The following PCDH7 variants were observed in gnomAD, a reference collection of about 807,000 sequenced individuals.
PCDH7 encodes the protein protocadherin-7.
In PCDH7, 17 loss-of-function variants were observed where a neutral mutation model predicts 58.9. The ratio of observed to expected loss-of-function variants is 0.29; its 90% CI spans 0.20 to 0.43. The LOEUF is 0.43. Ranked by LOEUF, PCDH7 falls within the 20% of genes least tolerant of loss-of-function variation. The pLI, the probability that PCDH7 is intolerant of heterozygous loss-of-function variation, is 1.00. For missense variants in PCDH7, 1,274 were observed against 1,441.0 expected (o/e 0.88, Z 1.88); for synonymous variants, 664 against 616.4 (o/e 1.08, Z -1.14).
chr4:30,742,252 T>C (rs1176361097), intron 1 of PCDH7, among the ~76,000 whole-genome samples: 2 of 152,126 alleles, frequency 1.3e-5, no homozygotes, highest in Non-Finnish European at 2.9e-5. Context: ...ATCATGTAAC[T>C]GCACTGCTTA....
At chr4:31,020,823 A>G (rs1753966013) in intron 3 of PCDH7, among the ~76,000 whole-genome samples, 3 of 152,314 alleles carry the variant, frequency 2.0e-5, no homozygotes, top group African/African-American at 4.8e-5. Context: ...GCAGGGCTGT[A>G]TATATTCCCA....
At chr4:31,059,045 T>C (rs771637595) in intron 3 of PCDH7, among the ~76,000 whole-genome samples, 1 of 152,026 alleles carries the variant, frequency 6.6e-6, no homozygotes, top group Non-Finnish European at 1.5e-5. Flanking sequence ...AGAAACCTGA[T>C]GCTTAAAAAA....
chr4:30,743,892 T>A (rs1002372146), intron 1 of PCDH7, among the ~76,000 whole-genome samples: 2 of 152,208 alleles, frequency 1.3e-5, no homozygotes, highest in African/African-American at 4.8e-5. Context: ...TAAGTATTAT[T>A]AACTATCTCA....
intron 1 of PCDH7, among the ~76,000 whole-genome samples, chr4:30,907,164 G>A (rs1408134977): frequency 6.6e-6 from 1 of 152,170 alleles, no homozygotes; most frequent in East Asian, 1.9e-4. Flanking sequence ...CAGCAACTGT[G>A]TATGAAGATG....
intron 3 of PCDH7, among the ~76,000 whole-genome samples, chr4:31,104,330 A>G (rs936200749): frequency 6.6e-6 from 1 of 152,196 alleles, no homozygotes; most frequent in African/African-American, 2.4e-5. Flanking sequence ...GTACTAAATT[A>G]TATTTCCTGC....
intron 3 of PCDH7, among the ~76,000 whole-genome samples, chr4:31,084,544 G>T (rs1200772181): frequency 6.6e-6 from 1 of 151,112 alleles, no homozygotes; most frequent in Admixed American, 6.6e-5. Flanking sequence ...TATACAGGAA[G>T]CATGGTGCCT....
chr4:30,915,417 A>G (rs1166546256), intron 1 of PCDH7, among the ~76,000 whole-genome samples: 4 of 152,156 alleles, frequency 2.6e-5, no homozygotes, highest in African/African-American at 9.7e-5. Flanking sequence ...ATCCTTCTTA[A>G]TGTCTCTGAT....
chr4:30,970,556 G>T (rs1578449397), intron 3 of PCDH7, among the ~76,000 whole-genome samples: 1 of 152,178 alleles, frequency 6.6e-6, no homozygotes, highest in African/African-American at 2.4e-5. Context: ...GCCTCCCAAA[G>T]TGCTGGGATT....
chr4:30,757,040 C>A (rs1308644302), intron 1 of PCDH7, among the ~76,000 whole-genome samples: 2 of 152,196 alleles, frequency 1.3e-5, no homozygotes, highest in East Asian at 3.9e-4. Flanking sequence ...AACAGTTCTA[C>A]ATCTTTTTCA....
intron 3 of PCDH7, among the ~76,000 whole-genome samples, chr4:31,048,189 T>C (rs1756442629): frequency 6.6e-6 from 1 of 152,062 alleles, no homozygotes; most frequent in African/African-American, 2.4e-5. Flanking sequence ...TATTAACTAC[T>C]AAATGCTGTT....
intron 3 of PCDH7, among the ~76,000 whole-genome samples, chr4:31,050,885 T>A (rs1053712578): frequency 1.3e-5 from 2 of 152,140 alleles, no homozygotes; most frequent in East Asian, 3.9e-4. Flanking sequence ...CTGAATATAT[T>A]TCCAGGGGTC....
chr4:30,773,025 C>T (rs1721612444), intron 1 of PCDH7, among the ~76,000 whole-genome samples: 1 of 152,174 alleles, frequency 6.6e-6, no homozygotes, highest in Non-Finnish European at 1.5e-5. Flanking sequence ...CCTCAATCTT[C>T]CAAGTAGCTG....
chr4:30,964,266 A>G (rs5029749), intron 3 of PCDH7, among the ~76,000 whole-genome samples: 91,759 of 147,538 alleles, frequency 0.62, 29,726 homozygotes, highest in African/African-American at 0.82. Context: ...TTTTGAGATG[A>G]AATCTGGCTC....
chr4:30,857,072 C>T (rs1236444992), intron 1 of PCDH7, among the ~76,000 whole-genome samples: 4 of 151,910 alleles, frequency 2.6e-5, no homozygotes, highest in Admixed American at 6.6e-5. Flanking sequence ...ACAAGGTTAA[C>T]GATGATATTT....
rs184057897 is a variant in PCDH7 at position 30,998,914 on chromosome 4, A to G, written c.*7+48699A>G. ...CTGTCATTGGAATGGAAACAAAATAATAAGTCTAGAATTAAATGTCAGGAA... is the reference window on the plus strand; with the variant it reads ...CTGTCATTGGAATGGAAACAAAATAGTAAGTCTAGAATTAAATGTCAGGAA... On this transcript the variant is annotated intron_variant, in intron 3 of 3. Coordinates refer to the PCDH7 transcript ENST00000509759. 1.6e-3 allele frequency among the ~76,000 whole-genome samples: 237 copies of G among 152,280 alleles called. 2 individuals carry two copies. The South Asian group carries it at 0.023, about 15-fold the overall frequency.
At chr4:30,730,763 A>G in exon 2 of PCDH7, 1 of 1,605,276 alleles carries the variant, frequency 6.2e-7, no homozygotes, top group Non-Finnish European at 8.5e-7. Context: ...ATGCGTCTAC[A>G]TCCATACATT....
At chr4:31,000,414 A>C (rs1752270235) in intron 3 of PCDH7, among the ~76,000 whole-genome samples, 1 of 152,144 alleles carries the variant, frequency 6.6e-6, no homozygotes, top group Non-Finnish European at 1.5e-5. Flanking sequence ...GGTATATCTT[A>C]AACACAACAA....
At chr4:31,100,499 G>A (rs888278629) in intron 3 of PCDH7, among the ~76,000 whole-genome samples, 2 of 152,180 alleles carry the variant, frequency 1.3e-5, no homozygotes, top group Non-Finnish European at 2.9e-5. Flanking sequence ...AACACAGGAA[G>A]TTATTAGGTG....
At chr4:31,043,413 T>C (rs1025741732) in intron 3 of PCDH7, among the ~76,000 whole-genome samples, 7 of 152,068 alleles carry the variant, frequency 4.6e-5, no homozygotes, top group Non-Finnish European at 8.8e-5. Flanking sequence ...AGTGGAAAAG[T>C]GTTCCTTTTT....
Sources: allele counts gnomAD v4.1 joint callset (sites outside exome capture counted in the v4.1 genomes callset), GRCh38; gene constraint gnomAD v4.1.1; transcripts MANE v1.5; gene names NCBI Gene and HGNC (gene_info 2026-07-23, HGNC 2026-07-21).